TAFA4: variants seen among roughly 807,000 people sequenced by gnomAD.
TAFA4 encodes TAFA chemokine like family member 4.
A neutral mutation model predicts 21.1 loss-of-function variants in TAFA4; 20 were observed. That is an observed-to-expected ratio of 0.95 (90% CI 0.67 to 1.38). The LOEUF (loss-of-function observed/expected upper bound fraction) is 1.38. Among genes scored for constraint, TAFA4 ranks in the 40% most tolerant of loss-of-function variants. TAFA4 has a pLI of 0.00. For missense variants in TAFA4, 211 were observed against 180.9 expected, an observed-to-expected ratio of 1.17 and a Z score of -0.95; for synonymous variants, 71 against 67.4, an observed-to-expected ratio of 1.05 and a Z score of -0.26.
intron 3 of TAFA4, among the ~76,000 whole-genome samples, chr3:68,791,150 C>T (rs1703353732): frequency 6.6e-6 from 1 of 152,184 alleles, no homozygotes; most frequent in South Asian, 2.1e-4. Flanking sequence ...ATGCTCTCTG[C>T]ACAACACAAG....
chr3:68,814,417 G>C (rs558117599), intron 3 of TAFA4, among the ~76,000 whole-genome samples: 12 of 152,168 alleles, frequency 7.9e-5, no homozygotes, highest in South Asian at 4.1e-4. Flanking sequence ...TCTAGAAAAC[G>C]CCATTGTCTC....
At chr3:68,783,713 A>AAAGAAAGAAAGAAAGAAAG (rs1553641278) in intron 3 of TAFA4, among the ~76,000 whole-genome samples, 1,471 of 80,716 alleles carry the variant, frequency 0.018, 57 homozygotes, top group East Asian at 0.069. Context: ...GAGAGAAAGA[A>AAAGAAAGAAAGAAAGAAAG]AAAGAAAGAA....
intron 4 of TAFA4, among the ~76,000 whole-genome samples, chr3:68,749,507 G>A (rs1008542870): frequency 6.6e-6 from 1 of 152,142 alleles, no homozygotes; most frequent in Non-Finnish European, 1.5e-5. Flanking sequence ...ATTATTATGG[G>A]ATAAAGATTA....
chr3:68,847,826 G>A (rs556120279), intron 3 of TAFA4, among the ~76,000 whole-genome samples: 37 of 152,188 alleles, frequency 2.4e-4, no homozygotes, highest in African/African-American at 3.6e-4. Flanking sequence ...TGTATAGCAT[G>A]CTTTAGAAAC....
intron 4 of TAFA4, among the ~76,000 whole-genome samples, chr3:68,750,742 T>C (rs901393157): frequency 6.6e-6 from 1 of 152,228 alleles, no homozygotes; most frequent in Non-Finnish European, 1.5e-5. Context: ...CTTTGAATAT[T>C]GTACAACATT....
At chr3:68,757,764 T>A (rs1218861119) in intron 3 of TAFA4, among the ~76,000 whole-genome samples, 1 of 152,186 alleles carries the variant, frequency 6.6e-6, no homozygotes, top group Non-Finnish European at 1.5e-5. Context: ...AGATACATAT[T>A]TTTTTCACCT....
rs144350933 is a variant in TAFA4 at position 68,862,342 on chromosome 3, C to T, written c.130+18388G>A. ...GAAAAGGAAACTGGTTACATTAAAA[C>T]ACTCCAAGTTAAGAATCTAAGCAAT... On this transcript the variant is annotated intron_variant, in intron 3 of 5. Transcript: ENST00000295569. Among the ~76,000 whole-genome samples, 701 of 152,220 alleles carry T rather than the reference C, an allele frequency of 4.6e-3. 7 individuals carry two copies. The highest frequency in any genetic ancestry group is 0.015 in the African/African-American group (643 of 41,544).
chr3:68,769,381 T>C (rs1702911690), intron 3 of TAFA4, among the ~76,000 whole-genome samples: 1 of 152,208 alleles, frequency 6.6e-6, no homozygotes, highest in South Asian at 2.1e-4. Flanking sequence ...AGAAATAAAG[T>C]GCACAATAAA....
At chr3:68,734,251 G>A (rs140269621) in intron 5 of TAFA4, among the ~76,000 whole-genome samples, 1 of 152,260 alleles carries the variant, frequency 6.6e-6, no homozygotes, top group African/African-American at 2.4e-5. Flanking sequence ...GTAAAACCCA[G>A]TCTTAGCTCA....
intron 3 of TAFA4, among the ~76,000 whole-genome samples, chr3:68,782,689 C>T (rs183720099): frequency 1.5e-4 from 23 of 152,200 alleles, no homozygotes; most frequent in African/African-American, 5.1e-4. Context: ...ATGACCAAGA[C>T]AGGCAAATCC....
chr3:68,768,966 G>A (rs373502710), intron 3 of TAFA4, among the ~76,000 whole-genome samples: 16 of 152,284 alleles, frequency 1.1e-4, no homozygotes, highest in Admixed American at 3.3e-4. Flanking sequence ...GAAGAGATTC[G>A]TCAATGGCTA....
intron 3 of TAFA4, among the ~76,000 whole-genome samples, chr3:68,851,271 T>C (rs1017875269): frequency 6.6e-6 from 1 of 152,084 alleles, no homozygotes; most frequent in African/African-American, 2.4e-5. Context: ...TTCTCACTTA[T>C]AAGTGGGAGC....
intron 3 of TAFA4, among the ~76,000 whole-genome samples, chr3:68,794,381 AT>A (rs1703418310): frequency 6.6e-6 from 1 of 152,180 alleles, no homozygotes; most frequent in South Asian, 2.1e-4. Flanking sequence ...TATTTCACTC[AT>A]GTTAAATACA....
intron 3 of TAFA4, among the ~76,000 whole-genome samples, chr3:68,815,189 T>A (rs1432097161): frequency 6.6e-6 from 1 of 152,168 alleles, no homozygotes; most frequent in Non-Finnish European, 1.5e-5. Context: ...ACTTAAATGT[T>A]AGACCTAAAA....
At chr3:68,825,943 A>C (rs1417662613) in intron 3 of TAFA4, among the ~76,000 whole-genome samples, 1 of 152,188 alleles carries the variant, frequency 6.6e-6, no homozygotes, top group Non-Finnish European at 1.5e-5. Context: ...CCCAGGCCAA[A>C]GGTCAACATC....
At chr3:68,742,502 A>G (rs1575591426) in intron 4 of TAFA4, among the ~76,000 whole-genome samples, 2 of 152,152 alleles carry the variant, frequency 1.3e-5, no homozygotes, top group Admixed American at 1.3e-4. Context: ...ATTGAGGGCC[A>G]GGCACCCGGC....
At chr3:68,736,317 C>T (rs1431850275) in intron 5 of TAFA4, among the ~76,000 whole-genome samples, 5 of 151,704 alleles carry the variant, frequency 3.3e-5, no homozygotes, top group Non-Finnish European at 7.4e-5. Context: ...CCAAAAGAAG[C>T]AGTAGCTGCA....
chr3:68,928,496 C>T (rs4541414), intron 1 of TAFA4, among the ~76,000 whole-genome samples: 125,828 of 152,198 alleles, frequency 0.83, 52,817 homozygotes, highest in African/African-American at 0.96. Context: ...GACCATCATT[C>T]TAACATCCAT....
At chr3:68,763,191 TAAAG>T (rs1463453926) in intron 3 of TAFA4, among the ~76,000 whole-genome samples, 1 of 152,200 alleles carries the variant, frequency 6.6e-6, no homozygotes, top group Non-Finnish European at 1.5e-5. Flanking sequence ...AGCAAAGGCC[TAAAG>T]AGAGACCTTT....
Sources: allele counts gnomAD v4.1 joint callset (sites outside exome capture counted in the v4.1 genomes callset), GRCh38; gene constraint gnomAD v4.1.1; transcripts MANE v1.5; gene names NCBI Gene and HGNC (gene_info 2026-07-23, HGNC 2026-07-21).